Variants in MINDY2 observed in about 807,000 individuals in gnomAD.
MINDY2 encodes the protein ubiquitin carboxyl-terminal hydrolase MINDY-2.
Under a neutral mutation model 68.2 loss-of-function variants are expected in MINDY2, and 52 were observed. The observed-to-expected ratio is 0.76, with a 90% CI of 0.61 to 0.96. MINDY2 has a LOEUF of 0.96. MINDY2 is among the 40% of genes least tolerant of loss of function. MINDY2 has a pLI of 0.00. For synonymous variants in MINDY2, 372 were observed against 303.0 expected, an observed-to-expected ratio of 1.23 and a Z score of -2.36; for missense variants, 881 against 773.4, an observed-to-expected ratio of 1.14 and a Z score of -1.65.
At chr15:58,839,045 C>G (rs1008544009) in intron 6 of MINDY2, among the ~76,000 whole-genome samples, 1 of 151,812 alleles carries the variant, frequency 6.6e-6, no homozygotes, top group Admixed American at 6.6e-5. Context: ...ACTGGTTGTA[C>G]CAATTTCTAT....
chr15:58,852,664 G>A (rs937606282), intron 8 of MINDY2, among the ~76,000 whole-genome samples: 1 of 151,968 alleles, frequency 6.6e-6, no homozygotes, highest in Non-Finnish European at 1.5e-5. Flanking sequence ...ACCTCTCTTA[G>A]CCTCATTTTC....
rs535850434 is a variant in MINDY2 at position 58,773,491 on chromosome 15, T to C, written c.840+1256T>C. On this transcript the variant is annotated intron_variant, in intron 1 of 8. Coordinates refer to ENST00000559228, the MANE Select transcript of MINDY2 (RefSeq NM_001040450.3). ...AAGACAGTACCTGCCCTTAAAAGGC[T>C]GTCAAGCTGTTTGAGGTGGCATCAT... Among the ~76,000 whole-genome samples, 42 of 152,352 alleles carry C rather than the reference T, an allele frequency of 2.8e-4. 1 individual carries two copies. In the South Asian group the frequency reaches 6.8e-3, roughly 25 times the overall value.
At chr15:58,784,980 G>C (rs1901390353) in intron 1 of MINDY2, among the ~76,000 whole-genome samples, 1 of 151,648 alleles carries the variant, frequency 6.6e-6, no homozygotes, top group Non-Finnish European at 1.5e-5. Flanking sequence ...AAATCAGACA[G>C]ACTGCCACAA....
chr15:58,803,720 G>C (rs568198892), intron 3 of MINDY2, among the ~76,000 whole-genome samples: 5 of 152,000 alleles, frequency 3.3e-5, no homozygotes, highest in African/African-American at 7.2e-5. Context: ...GGAGGTTGAG[G>C]CATGAGAATT....
chr15:58,814,326 C>T (rs1260305614), intron 4 of MINDY2, among the ~76,000 whole-genome samples: 1 of 151,738 alleles, frequency 6.6e-6, no homozygotes, highest in Non-Finnish European at 1.5e-5. Flanking sequence ...AGTAAAATGT[C>T]TCTTCATGTC....
At position 58,831,835 on chromosome 15, in the gene MINDY2, T is replaced by C; in HGVS notation, c.1287T>C (p.Cys429=). 3 of 1,613,818 alleles carry C rather than the reference T, an allele frequency of 1.9e-6. No homozygotes were observed. Among genetic ancestry groups the C allele is most frequent in the Non-Finnish European group, 2.5e-6 (3 of 1,179,840 alleles). Residue 429 remains cysteine, a synonymous_variant, in exon 6 of 9, where the codon TGT becomes TGC. Transcript: ENST00000559228. The part of the protein sequence containing the change: ...TATQLTYHGL[C]ELTSTVQEGE... ...CTCAACTGACATACCATGGATTATG[T>C]GAACTAACTTCAACGGTTCAGGAAG...
chr15:58,786,698 A>G (rs1379375514), intron 1 of MINDY2, among the ~76,000 whole-genome samples: 6 of 152,258 alleles, frequency 3.9e-5, no homozygotes, highest in African/African-American at 1.4e-4. Flanking sequence ...TTGCAGGTCA[A>G]GAAGGTCGAA....
chr15:58,830,892 T>C (rs2031673204), intron 5 of MINDY2, among the ~76,000 whole-genome samples: 1 of 152,016 alleles, frequency 6.6e-6, no homozygotes, highest in Non-Finnish European at 1.5e-5. Context: ...TCTTCACATG[T>C]CCACAAACAA....
chr15:58,852,403 A>G (rs1368688360), intron 8 of MINDY2, among the ~76,000 whole-genome samples: 1 of 150,532 alleles, frequency 6.6e-6, no homozygotes, highest in East Asian at 2.0e-4. Flanking sequence ...TATGGGTTTT[A>G]TGACGTTGTC....
intron 2 of MINDY2, 59 bp downstream of exon 2, chr15:58,788,022 T>C: frequency 8.4e-7 from 1 of 1,187,710 alleles, no homozygotes; most frequent in Non-Finnish European, 1.2e-6. Context: ...CAAAGCTAGT[T>C]GATTACCCAG....
intron 1 of MINDY2, among the ~76,000 whole-genome samples, chr15:58,777,988 T>C (rs1361826029): frequency 1.3e-5 from 2 of 152,206 alleles, no homozygotes; most frequent in African/African-American, 4.8e-5. Flanking sequence ...TAAGTGCTAT[T>C]TATAGGTTTA....
intron 1 of MINDY2, among the ~76,000 whole-genome samples, 176 bp from the exon 2 acceptor site, chr15:58,787,730 C>A (rs1159289803): frequency 1.7e-5 from 2 of 118,774 alleles, no homozygotes; most frequent in African/African-American, 7.0e-5. Flanking sequence ...GAGCGAGAGT[C>A]CGTCTCAAAA....
intron 2 of MINDY2, among the ~76,000 whole-genome samples, chr15:58,789,367 A>T (rs1409572278): frequency 6.6e-6 from 1 of 152,180 alleles, no homozygotes; most frequent in Non-Finnish European, 1.5e-5. Context: ...CAACTGGTTA[A>T]TTTGTCTCTA....
At chr15:58,825,847 C>G (rs1252128339) in intron 5 of MINDY2, among the ~76,000 whole-genome samples, 5 of 152,140 alleles carry the variant, frequency 3.3e-5, no homozygotes, top group Non-Finnish European at 7.4e-5. Context: ...ATCAGGTGAT[C>G]CTCCCACCTC....
intron 5 of MINDY2, among the ~76,000 whole-genome samples, chr15:58,824,741 C>G (rs965329728): frequency 9.3e-5 from 14 of 150,002 alleles, no homozygotes; most frequent in African/African-American, 3.5e-4. Context: ...ACGATCTCGG[C>G]TCACTGTAAC....
intron 5 of MINDY2, among the ~76,000 whole-genome samples, chr15:58,830,355 A>C (rs1274716359): frequency 6.6e-6 from 1 of 152,198 alleles, no homozygotes; most frequent in Non-Finnish European, 1.5e-5. Flanking sequence ...CTCACAGCCA[A>C]CAGCACTACA....
intron 1 of MINDY2, among the ~76,000 whole-genome samples, chr15:58,787,073 G>A (rs373747083): frequency 7.6e-4 from 115 of 150,738 alleles, no homozygotes; most frequent in Non-Finnish European, 1.3e-3. Flanking sequence ...CACGTGATCC[G>A]CCTGCGTTGG....
At chr15:58,820,667 G>A (rs752935175) in intron 4 of MINDY2, among the ~76,000 whole-genome samples, 57 of 152,210 alleles carry the variant, frequency 3.7e-4, no homozygotes, top group Non-Finnish European at 6.9e-4. Flanking sequence ...AATCACCTGG[G>A]CAGTGGAATG....
At chr15:58,834,193 C>G (rs1380846560) in intron 6 of MINDY2, among the ~76,000 whole-genome samples, 1 of 152,128 alleles carries the variant, frequency 6.6e-6, no homozygotes, top group Non-Finnish European at 1.5e-5. Flanking sequence ...AACAGCATCT[C>G]AAGGCAGAAG....
Sources: gnomAD v4.1 joint callset for allele counts (sites outside exome capture counted in the v4.1 genomes callset) on GRCh38, gnomAD v4.1.1 for gene constraint, MANE v1.5 for transcripts, NCBI Gene and HGNC (gene_info 2026-07-23, HGNC 2026-07-21) for gene names.